ARHGEF26: variants seen among roughly 807,000 people sequenced by gnomAD.
ARHGEF26 encodes Rho guanine nucleotide exchange factor (GEF) 26.
ARHGEF26 carries 59 observed loss-of-function variants against 89.4 expected under a neutral mutation model. That is an observed-to-expected ratio of 0.66 (90% confidence interval 0.54 to 0.82). The LOEUF is 0.82. ARHGEF26 is among the 40% of genes least tolerant of loss of function. The pLI, the probability that ARHGEF26 is intolerant of heterozygous loss-of-function variation, is 0.00. For synonymous variants in ARHGEF26, 500 were observed against 428.4 expected (o/e 1.17, Z -2.06); for missense variants, 1,234 against 1,085.6 (o/e 1.14, Z -1.92).
At chr3:154,202,049 T>G (rs888470056) in intron 9 of ARHGEF26, among the ~76,000 whole-genome samples, 1 of 152,186 alleles carries the variant, frequency 6.6e-6, no homozygotes, top group Non-Finnish European at 1.5e-5. Flanking sequence ...TTGCCATTTG[T>G]TTTGGTGTTT....
intron 11 of ARHGEF26, among the ~76,000 whole-genome samples, chr3:154,237,958 T>C (rs1717223414): frequency 6.6e-6 from 1 of 152,212 alleles, no homozygotes; most frequent in East Asian, 1.9e-4. Context: ...CCTCAGTTCA[T>C]CCTCTTTTTC....
intron 3 of ARHGEF26, among the ~76,000 whole-genome samples, chr3:154,124,753 T>G (rs984014193): frequency 1.3e-5 from 2 of 152,292 alleles, no homozygotes; most frequent in African/African-American, 4.8e-5. Context: ...AAGATCTAGC[T>G]TTTTAGTTAA....
chr3:154,255,631 A>G lies in ARHGEF26; in HGVS notation c.*158A>G. On this transcript the variant is annotated 3_prime_UTR_variant, in exon 15 of 15. Coordinates refer to ENST00000465093, the MANE Select transcript of ARHGEF26 (RefSeq NM_015595.4). Reference sequence around the variant, plus strand: ...TGCCAGGTTGTTCTGCTCTCTCATGAGAAGAGCTTGGATACAGTGAGTTTG... The same window carrying G: ...TGCCAGGTTGTTCTGCTCTCTCATGGGAAGAGCTTGGATACAGTGAGTTTG... 1 of 1,439,028 alleles carries G rather than the reference A, an allele frequency of 6.9e-7. No individual in the cohort carries two copies. Among genetic ancestry groups the G allele is most frequent in the Non-Finnish European group, 9.1e-7 (1 of 1,102,912 alleles). 89.1% of individuals were successfully genotyped at this position (1,439,028 alleles called of 1,614,324 possible).
intron 6 of ARHGEF26, among the ~76,000 whole-genome samples, chr3:154,159,201 AT>A (rs989231488): frequency 2.0e-4 from 30 of 152,184 alleles, no homozygotes; most frequent in African/African-American, 5.1e-4. Flanking sequence ...ACAGTCTTTC[AT>A]TTAATTTTTT....
At position 154,191,404 on chromosome 3, in the gene ARHGEF26, C is replaced by T. The variant is rs766703160; in HGVS notation, c.1756C>T (p.Pro586Ser). Reference sequence around the variant, plus strand: ...CCCCATGCAGAGGGTGACCCGCCTTCCCCTGCTGATGGATGTAAGACATGA... The same window carrying T: ...CCCCATGCAGAGGGTGACCCGCCTTTCCCTGCTGATGGATGTAAGACATGA... The part of the protein sequence containing the change: ...ILPMQRVTRL[P>S]LLMDTICQKT... Residue 586 changes from proline (P) to serine (S), a missense_variant, in exon 8 of 15, where the codon CCC becomes TCC. By Grantham distance (74) the Pro-to-Ser change is moderately conservative. Coordinates refer to ENST00000465093, the MANE Select transcript of ARHGEF26 (RefSeq NM_015595.4). 3 of 1,613,806 alleles carry T rather than the reference C, an allele frequency of 1.9e-6. No individual in the cohort carries two copies. The highest frequency in any genetic ancestry group is 2.2e-5 in the South Asian group (2 of 91,030).
chr3:154,249,725 G>A (rs1251341332), intron 12 of ARHGEF26, among the ~76,000 whole-genome samples: 1 of 152,196 alleles, frequency 6.6e-6, no homozygotes, highest in Non-Finnish European at 1.5e-5. Context: ...GGTAAGGCGA[G>A]TCTTCAAAGT....
intron 6 of ARHGEF26, among the ~76,000 whole-genome samples, chr3:154,163,407 T>G (rs978386298): frequency 1.3e-5 from 2 of 152,206 alleles, no homozygotes; most frequent in Admixed American, 6.5e-5. Context: ...ACTGGAATTG[T>G]ACCTAGTGAG....
chr3:154,195,112 T>G (rs1035868635), intron 9 of ARHGEF26, among the ~76,000 whole-genome samples: 2 of 152,174 alleles, frequency 1.3e-5, no homozygotes, highest in African/African-American at 4.8e-5. Context: ...GGGCAGACAT[T>G]AAACAGAGTT....
chr3:154,252,547 C>G (rs1718220817), intron 12 of ARHGEF26, among the ~76,000 whole-genome samples: 1 of 151,986 alleles, frequency 6.6e-6, no homozygotes, highest in Admixed American at 6.5e-5. Flanking sequence ...GTCATTTTTC[C>G]TGTGCTCATT....
intron 6 of ARHGEF26, among the ~76,000 whole-genome samples, chr3:154,172,190 C>A (rs966778256): frequency 6.6e-6 from 1 of 152,180 alleles, no homozygotes; most frequent in African/African-American, 2.4e-5. Context: ...GGAGTCATGG[C>A]ATGGCCCCTG....
chr3:154,154,623 A>G (rs756304800), intron 6 of ARHGEF26, among the ~76,000 whole-genome samples: 29 of 152,038 alleles, frequency 1.9e-4, no homozygotes, highest in Non-Finnish European at 2.8e-4. Context: ...AAATAAGCAT[A>G]TGCATATGCT....
At chr3:154,188,926 A>G (rs1271508572) in intron 7 of ARHGEF26, among the ~76,000 whole-genome samples, 1 of 152,154 alleles carries the variant, frequency 6.6e-6, no homozygotes, top group Non-Finnish European at 1.5e-5. Context: ...TGGACTGGAT[A>G]AGTCTTTGTG....
At chr3:154,179,576 G>A (rs566476170) in intron 6 of ARHGEF26, among the ~76,000 whole-genome samples, 2 of 152,270 alleles carry the variant, frequency 1.3e-5, no homozygotes, top group African/African-American at 4.8e-5. Context: ...ACTTTTGTTG[G>A]AATTGTCCTG....
At position 154,216,501 on chromosome 3, in the gene ARHGEF26, TATTTTTTA is replaced by T. The variant is rs1206908901; in HGVS notation, c.1846-1367_1846-1360del. ...TTGTTTTTTTTTTTTTATTTTTTTT[TATTTTTTA>T]TTTTTTTTTTATGTCTATACAAAAT... On this transcript the variant is annotated intron_variant, in intron 9 of 14. Transcript: ENST00000465093. Among the ~76,000 whole-genome samples, 107 of 42,860 alleles carry T rather than the reference TATTTTTTA, an allele frequency of 2.5e-3. 1 individual carries two copies. Among genetic ancestry groups the T allele is most frequent in the African/African-American group, 0.01 (95 of 9,372 alleles). The allele number at this position is 42,860 out of a possible 152,430, so 28.1% of individuals were successfully genotyped here.
chr3:154,252,286 A>G (rs896247904), intron 12 of ARHGEF26, among the ~76,000 whole-genome samples: 1 of 152,186 alleles, frequency 6.6e-6, no homozygotes, highest in Non-Finnish European at 1.5e-5. Context: ...TGAGAGGATT[A>G]CATGGAATAG....
intron 12 of ARHGEF26, among the ~76,000 whole-genome samples, chr3:154,248,572 G>C (rs185505058): frequency 4.4e-4 from 67 of 152,064 alleles, no homozygotes; most frequent in African/African-American, 1.5e-3. Flanking sequence ...GCCTGTCAAA[G>C]GATCTGATCT....
At chr3:154,220,422 A>AGAGGGC in intron 10 of ARHGEF26, among the ~76,000 whole-genome samples, 1 of 152,340 alleles carries the variant, frequency 6.6e-6, no homozygotes, top group East Asian at 1.9e-4. Flanking sequence ...CAAGAGACAG[A>AGAGGGC]GAGGGCTGGG....
chr3:154,212,829 C>T (rs905094448), intron 9 of ARHGEF26, among the ~76,000 whole-genome samples: 12 of 152,022 alleles, frequency 7.9e-5, no homozygotes, highest in South Asian at 6.2e-4. Flanking sequence ...TCCTGCCGTG[C>T]GCTGGATTCC....
chr3:154,217,229 A>G (rs868238366), intron 9 of ARHGEF26, among the ~76,000 whole-genome samples: 6 of 149,700 alleles, frequency 4.0e-5, no homozygotes, highest in African/African-American at 1.5e-4. Context: ...TTGCCATTCT[A>G]ACTGGTGTGA....
Sources: allele counts gnomAD v4.1 joint callset (sites outside exome capture counted in the v4.1 genomes callset), GRCh38; gene constraint gnomAD v4.1.1; transcripts MANE v1.5; gene names NCBI Gene and HGNC (gene_info 2026-07-23, HGNC 2026-07-21).